Variants in CSMD1 observed in about 807,000 individuals in gnomAD.
CSMD1 encodes the protein CUB and Sushi multiple domains 1, also known as CUB and sushi domain-containing protein 1.
In CSMD1, 213 loss-of-function variants were observed where a neutral mutation model predicts 417.5. That is an observed-to-expected ratio of 0.51 (90% confidence interval 0.46 to 0.57). CSMD1 has a LOEUF of 0.57. CSMD1 is among the 20% of genes least tolerant of loss of function. The pLI is 0.00. For missense variants in CSMD1, 6,923 were observed against 4,529.7 expected (o/e 1.53, Z -15.17); for synonymous variants, 2,862 against 1,736.8 (o/e 1.65, Z -16.11).
intron 3 of CSMD1, among the ~76,000 whole-genome samples, chr8:4,048,617 G>C (rs1054234387): frequency 3.9e-5 from 6 of 152,326 alleles, no homozygotes; most frequent in South Asian, 2.1e-4. Flanking sequence ...ACACCAAACA[G>C]GTAATTCTTA....
chr8:4,984,507 G>C (rs1272900452), intron 1 of CSMD1, among the ~76,000 whole-genome samples: 1 of 152,162 alleles, frequency 6.6e-6, no homozygotes, highest in Non-Finnish European at 1.5e-5. Flanking sequence ...GGCCCTCACT[G>C]AGCTAATGAA....
chr8:4,449,082 G>T (rs1005597250), intron 2 of CSMD1, among the ~76,000 whole-genome samples: 1 of 152,172 alleles, frequency 6.6e-6, no homozygotes, highest in Non-Finnish European at 1.5e-5. Flanking sequence ...TCTTTCTAAG[G>T]AGATTGAATA....
chr8:3,637,878 G>A (rs923968471), intron 7 of CSMD1, among the ~76,000 whole-genome samples: 2 of 152,138 alleles, frequency 1.3e-5, no homozygotes, highest in African/African-American at 2.4e-5. Context: ...AAGATCTGAT[G>A]GTTTTCTACA....
At chr8:4,086,341 A>G (rs1800418607) in intron 3 of CSMD1, among the ~76,000 whole-genome samples, 2 of 152,334 alleles carry the variant, frequency 1.3e-5, no homozygotes, top group South Asian at 4.1e-4. Flanking sequence ...TTAAGCACTA[A>G]TTCTTTAATA....
chr8:3,411,460 C>A (rs571099953), intron 12 of CSMD1, among the ~76,000 whole-genome samples: 1 of 151,770 alleles, frequency 6.6e-6, no homozygotes, highest in Non-Finnish European at 1.5e-5. Flanking sequence ...ACCCTTTCCC[C>A]GAGTCCCCAA....
chr8:4,393,426 T>G (rs1465437715), intron 3 of CSMD1, among the ~76,000 whole-genome samples: 1 of 152,162 alleles, frequency 6.6e-6, no homozygotes, highest in Non-Finnish European at 1.5e-5. Flanking sequence ...GGAAAATACA[T>G]AGAACCCAAA....
At chr8:3,831,044 G>C (rs1335285314) in intron 5 of CSMD1, among the ~76,000 whole-genome samples, 3 of 152,122 alleles carry the variant, frequency 2.0e-5, no homozygotes, top group Non-Finnish European at 2.9e-5. Flanking sequence ...TGCGCGAACA[G>C]GGTTTGGGTG....
intron 1 of CSMD1, among the ~76,000 whole-genome samples, chr8:4,846,751 T>C (rs1801170195): frequency 6.6e-6 from 1 of 152,218 alleles, no homozygotes; most frequent in South Asian, 2.1e-4. Flanking sequence ...GCTTCCCAGG[T>C]CAAGGGTATC....
intron 1 of CSMD1, among the ~76,000 whole-genome samples, chr8:4,892,684 T>C (rs7011787): frequency 0.81 from 122,348 of 151,920 alleles, 49,852 homozygotes; most frequent in East Asian, 0.96. Flanking sequence ...TATGCATTCA[T>C]ATAGTCTTTT....
chr8:3,653,443 G>T (rs368393665), intron 7 of CSMD1, among the ~76,000 whole-genome samples: 4 of 152,094 alleles, frequency 2.6e-5, no homozygotes, highest in African/African-American at 2.4e-5. Context: ...CCAGTAGCTG[G>T]GATTATAGGT....
intron 1 of CSMD1, among the ~76,000 whole-genome samples, chr8:4,870,959 G>T (rs9650519): frequency 6.6e-6 from 1 of 151,880 alleles, no homozygotes; most frequent in African/African-American, 2.4e-5. Context: ...AATCCCCAGT[G>T]CTGAGAAGAG....
intron 2 of CSMD1, among the ~76,000 whole-genome samples, chr8:4,479,352 C>A (rs533967449): frequency 1.3e-5 from 2 of 152,242 alleles, no homozygotes; most frequent in Non-Finnish European, 2.9e-5. Flanking sequence ...CTGCACTTTA[C>A]CACATATGTC....
intron 3 of CSMD1, among the ~76,000 whole-genome samples, chr8:4,309,460 G>A (rs933441308): frequency 1.4e-5 from 2 of 142,568 alleles, no homozygotes; most frequent in Non-Finnish European, 3.0e-5. Flanking sequence ...TATGAAAGAC[G>A]AGAAAAAATA....
intron 2 of CSMD1, among the ~76,000 whole-genome samples, chr8:4,433,825 T>C (rs1798002574): frequency 2.0e-5 from 3 of 149,062 alleles, no homozygotes; most frequent in Non-Finnish European, 4.5e-5. Flanking sequence ...TTTTAATGAA[T>C]CTGGAAAAAA....
At chr8:3,018,089 T>G (rs1397910942) in intron 52 of CSMD1, among the ~76,000 whole-genome samples, 1 of 152,240 alleles carries the variant, frequency 6.6e-6, no homozygotes, top group Non-Finnish European at 1.5e-5. Context: ...TTTAAATAAT[T>G]CACTGTACTT....
At chr8:3,164,716 G>T (rs1820105063) in intron 37 of CSMD1, among the ~76,000 whole-genome samples, 1 of 152,022 alleles carries the variant, frequency 6.6e-6, no homozygotes, top group Non-Finnish European at 1.5e-5. Flanking sequence ...ATACTTCAAG[G>T]ACACACCAGG....
intron 1 of CSMD1, among the ~76,000 whole-genome samples, chr8:4,977,837 G>A (rs1487964330): frequency 6.6e-6 from 1 of 152,226 alleles, no homozygotes; most frequent in Non-Finnish European, 1.5e-5. Flanking sequence ...GGGCTGGCCT[G>A]ATAGGAATTG....
intron 12 of CSMD1, among the ~76,000 whole-genome samples, chr8:3,431,473 G>A (rs1459416362): frequency 6.6e-6 from 1 of 152,058 alleles, no homozygotes; most frequent in Non-Finnish European, 1.5e-5. Flanking sequence ...CTATTTAACT[G>A]GTATTCATCT....
At chr8:3,599,804 C>T (rs1269804347) in intron 8 of CSMD1, among the ~76,000 whole-genome samples, 1 of 152,218 alleles carries the variant, frequency 6.6e-6, no homozygotes, top group Non-Finnish European at 1.5e-5. Context: ...TTCTTTCCTC[C>T]TGTCTTTCAT....
Sources: gnomAD v4.1 joint callset for allele counts (sites outside exome capture counted in the v4.1 genomes callset) on GRCh38, gnomAD v4.1.1 for gene constraint, MANE v1.5 for transcripts, NCBI Gene and HGNC (gene_info 2026-07-23, HGNC 2026-07-21) for gene names.